SRP54: variants seen among roughly 807,000 people sequenced by gnomAD.
SRP54 encodes signal recognition particle 54, also known as signal recognition particle subunit SRP54.
In SRP54, 10 loss-of-function variants were observed where a neutral mutation model predicts 64.8. That is an observed-to-expected ratio of 0.15 (90% CI 0.10 to 0.26). SRP54 has a LOEUF of 0.26. Ranked by LOEUF, SRP54 falls within the 10% of genes least tolerant of loss-of-function variation. The pLI, the probability that SRP54 is intolerant of heterozygous loss-of-function variation, is 1.00. For synonymous variants in SRP54, 193 were observed against 185.6 expected, an observed-to-expected ratio of 1.04 and a Z score of -0.32; for missense variants, 325 against 613.7, an observed-to-expected ratio of 0.53 and a Z score of 4.97.
intron 9 of SRP54, 58 bp downstream of exon 9, chr14:35,013,552 G>A: frequency 2.0e-6 from 3 of 1,517,176 alleles, no homozygotes; most frequent in Non-Finnish European, 2.7e-6. Flanking sequence ...AAGGATATGT[G>A]TTTATAGCTT....
chr14:35,028,079 T>C lies in SRP54; in HGVS notation c.1328-9T>C, dbSNP rs78609489. The C allele has an allele frequency of 0.18, 285,515 of 1,580,952 alleles. 26,327 individuals are homozygous for C. Among genetic ancestry groups the C allele is most frequent in the East Asian group, 0.32 (14,277 of 44,360 alleles). On this transcript the variant is annotated splice_polypyrimidine_tract_variant and intron_variant, in intron 14 of 15. Transcript: ENST00000216774. ...CGCTGACTCAAAATCTTTTTTTTTTTCCCCTCAGGTGGCGACATGTCTAAG... is the reference window on the plus strand; with the variant it reads ...CGCTGACTCAAAATCTTTTTTTTTTCCCCCTCAGGTGGCGACATGTCTAAG...
At chr14:35,015,891 C>T (rs1452945906) in intron 11 of SRP54, among the ~76,000 whole-genome samples, 1 of 152,166 alleles carries the variant, frequency 6.6e-6, no homozygotes, top group Non-Finnish European at 1.5e-5. Context: ...TTTACTAGAC[C>T]ATTCTTGGAT....
intron 7 of SRP54, among the ~76,000 whole-genome samples, chr14:35,011,143 C>G (rs969864462): frequency 8.6e-5 from 13 of 151,724 alleles, no homozygotes; most frequent in Admixed American, 4.6e-4. Context: ...AGGCTTGTTA[C>G]AAGAATATCT....
Position 34,985,197 on chromosome 14 carries a change from G to A in SRP54, c.-34+1982G>A, listed in dbSNP as rs574020635. On this transcript the variant is annotated intron_variant, in intron 1 of 15. Coordinates refer to ENST00000216774, the MANE Select transcript of SRP54 (RefSeq NM_003136.4). ...AAGAGACAAAAATTAGCCAGGCTTA[G>A]TGGCGCCGCCTGTAGTCCCAGCTAG... is the stretch of plus-strand genomic sequence containing the variant. Among the ~76,000 whole-genome samples the A allele has an allele frequency of 2.0e-5, 3 of 152,322 alleles. No individual in the cohort carries two copies. In the South Asian group the frequency reaches 6.2e-4, roughly 32 times the overall value.
chr14:35,021,502 G>T (rs896861841), intron 13 of SRP54, among the ~76,000 whole-genome samples: 1 of 152,108 alleles, frequency 6.6e-6, no homozygotes, highest in African/African-American at 2.4e-5. Context: ...CTGTGGTGGC[G>T]TGTGCCTATA....
rs1329720741 is a variant in SRP54, at chr14:35,027,259, A to T, written c.1328-829A>T. Among the ~76,000 whole-genome samples, 3 of 151,958 alleles carry T rather than the reference A, an allele frequency of 2.0e-5. No homozygotes were observed. In the East Asian group the frequency reaches 5.9e-4, roughly 30 times the overall value. On this transcript the variant is annotated intron_variant, in intron 14 of 15. Transcript: ENST00000216774. ...TGGCTAGGCTGGTCTCGAACTCCTG[A>T]CCTCAAGTGATCTGCCAGCCTCGGC...
chr14:35,003,585 T>C (rs75230660), intron 4 of SRP54, among the ~76,000 whole-genome samples: 3 of 150,716 alleles, frequency 2.0e-5, no homozygotes. Context: ...TTTTTTTTTT[T>C]TGAGACAGGG....
chr14:35,025,219 C>G (rs1279122801), intron 14 of SRP54, among the ~76,000 whole-genome samples: 2 of 152,018 alleles, frequency 1.3e-5, no homozygotes, highest in Non-Finnish European at 2.9e-5. Flanking sequence ...CCTTGAAACC[C>G]ATTAAAATGA....
chr14:35,012,936 T>C (rs1398961702), intron 8 of SRP54, among the ~76,000 whole-genome samples: 1 of 142,362 alleles, frequency 7.0e-6, no homozygotes, highest in Non-Finnish European at 1.5e-5. Context: ...AGTGTAAATG[T>C]TGTAGTTTTT....
chr14:35,020,936 C>T (rs1487455483), intron 13 of SRP54, among the ~76,000 whole-genome samples: 1 of 152,174 alleles, frequency 6.6e-6, no homozygotes, highest in African/African-American at 2.4e-5. Context: ...ACGCCCCTTC[C>T]TCTATTTGCT....
intron 10 of SRP54, among the ~76,000 whole-genome samples, chr14:35,014,275 C>CTT (rs1269464538): frequency 8.8e-5 from 9 of 102,210 alleles, no homozygotes; most frequent in East Asian, 4.8e-4. Flanking sequence ...TGCCACTTAA[C>CTT]TTTTTTTTTT....
rs2044685170 is a variant in SRP54, at chr14:35,029,239, A to C, written c.*87A>C. Reference sequence around the variant, plus strand: ...TCCCTTCTTTTTGCGAATTGGGGGGAAAGTGTATTTTTCTTGCTTATCATG... The same window carrying C: ...TCCCTTCTTTTTGCGAATTGGGGGGCAAGTGTATTTTTCTTGCTTATCATG... On this transcript the variant is annotated 3_prime_UTR_variant, in exon 16 of 16. Coordinates refer to ENST00000216774, the MANE Select transcript of SRP54 (RefSeq NM_003136.4). 1 of 967,774 alleles carries C rather than the reference A, an allele frequency of 1.0e-6. No homozygotes were observed. The highest frequency in any genetic ancestry group is 1.5e-6 in the Non-Finnish European group (1 of 645,632). 59.9% of individuals were successfully genotyped at this position (967,774 alleles called of 1,614,324 possible). A position where few individuals can be genotyped will look rare whatever the true frequency, so the allele number is the denominator to read the frequency against.
At chr14:35,007,101 G>C (rs1241302810) in intron 4 of SRP54, among the ~76,000 whole-genome samples, 182 bp from the exon 5 acceptor site, 1 of 152,108 alleles carries the variant, frequency 6.6e-6, no homozygotes, top group Non-Finnish European at 1.5e-5. Context: ...GCTGAAGTGG[G>C]AGCATCATTT....
chr14:35,021,912 C>G (rs536542238), intron 13 of SRP54, among the ~76,000 whole-genome samples: 1 of 152,278 alleles, frequency 6.6e-6, no homozygotes, highest in African/African-American at 2.4e-5. Context: ...CATCCCATTC[C>G]TGAGATTGCA....
chr14:35,000,745 CT>C (rs1159615846), intron 3 of SRP54, among the ~76,000 whole-genome samples, 190 bp from the exon 4 acceptor site: 1 of 152,070 alleles, frequency 6.6e-6, no homozygotes, highest in African/African-American at 2.4e-5. Context: ...AGTCTTGCAT[CT>C]AATACTTCAT....
At chr14:34,990,240 A>T (rs997480950) in intron 1 of SRP54, among the ~76,000 whole-genome samples, 4 of 152,206 alleles carry the variant, frequency 2.6e-5, no homozygotes, top group African/African-American at 9.6e-5. Flanking sequence ...GAACGTTGCA[A>T]TTACTCCTCC....
rs2044685600 is a variant in SRP54, at chr14:35,029,253, T to C, written c.*101T>C. 1.2e-6 allele frequency: 1 copy of C among 802,710 alleles called. No individual in the cohort carries two copies. The highest frequency in any genetic ancestry group is 2.0e-6 in the Non-Finnish European group (1 of 508,770). The allele number at this position is 802,710 out of a possible 1,614,324, so 49.7% of individuals were successfully genotyped here. ...GAATTGGGGGGAAAGTGTATTTTTC[T>C]TGCTTATCATGCACTCTTTCCTTTT... On this transcript the variant is annotated 3_prime_UTR_variant, in exon 16 of 16. Transcript: ENST00000216774.
chr14:35,023,662 T>TCA (rs1203494592), intron 14 of SRP54, among the ~76,000 whole-genome samples: 1 of 151,886 alleles, frequency 6.6e-6, no homozygotes, highest in Non-Finnish European at 1.5e-5. Context: ...GGTGTACCTG[T>TCA]TATCCCAGCT....
intron 8 of SRP54, among the ~76,000 whole-genome samples, chr14:35,012,478 A>C (rs562751925): frequency 4.6e-5 from 7 of 152,266 alleles, no homozygotes; most frequent in African/African-American, 1.7e-4. Flanking sequence ...AATGCTAATA[A>C]GTTTCTTTTC....
Sources: gnomAD v4.1 joint callset for allele counts (sites outside exome capture counted in the v4.1 genomes callset) on GRCh38, gnomAD v4.1.1 for gene constraint, MANE v1.5 for transcripts, NCBI Gene and HGNC (gene_info 2026-07-23, HGNC 2026-07-21) for gene names.